The following CDH4 variants were observed in gnomAD, a reference collection of about 807,000 sequenced individuals.
CDH4 encodes the protein cadherin 4, also known as cadherin-4.
In CDH4, 33 loss-of-function variants were observed where a neutral mutation model predicts 86.0. That is an observed-to-expected ratio of 0.38 (90% CI 0.29 to 0.51). The LOEUF is 0.51. Among genes scored for constraint, CDH4 ranks in the 20% least tolerant of loss-of-function variants. CDH4 has a pLI of 0.86. For missense variants in CDH4, 1,114 were observed against 1,307.4 expected (o/e 0.85, Z 2.28); for synonymous variants, 555 against 549.4 (o/e 1.01, Z -0.14).
At chr20:61,761,927 A>AGCAGGCAGCTCCGCACG (rs2088638608) in intron 3 of CDH4, among the ~76,000 whole-genome samples, 1 of 152,074 alleles carries the variant, frequency 6.6e-6, no homozygotes, top group African/African-American at 2.4e-5. Flanking sequence ...AGCTCCGCAC[A>AGCAGGCAGCTCCGCACG]GCAGGCAGCG....
At chr20:61,817,840 T>C (rs1464885710) in intron 4 of CDH4, among the ~76,000 whole-genome samples, 1 of 152,192 alleles carries the variant, frequency 6.6e-6, no homozygotes, top group Non-Finnish European at 1.5e-5. Context: ...TGCGAATGCC[T>C]GGGTTGTCTC....
rs139511695 is a variant in CDH4 at position 61,697,371 on chromosome 20, G to A, written c.170-46192G>A. ...TACCAGCACTTTGGGAGGCTGAGGC[G>A]GGTGGATCACAAGGTCAAGAGTTCA... is the stretch of plus-strand genomic sequence containing the variant. On this transcript the variant is annotated intron_variant, in intron 2 of 15. Transcript: ENST00000614565. Among the ~76,000 whole-genome samples the A allele has an allele frequency of 8.2e-3, 1,243 of 152,222 alleles. 5 individuals are homozygous for A. The highest frequency in any genetic ancestry group is 0.013 in the Non-Finnish European group (904 of 68,006).
At position 61,496,009 on chromosome 20, in the gene CDH4, G is replaced by A. The variant is rs139060223; in HGVS notation, c.169+241072G>A. Reference sequence around the variant, plus strand: ...CGTGCCATGCAAGGGAAAGCTCCTCGAACATTTTTTTCTCTAGGTATTTCA... The same window carrying A: ...CGTGCCATGCAAGGGAAAGCTCCTCAAACATTTTTTTCTCTAGGTATTTCA... On this transcript the variant is annotated intron_variant, in intron 2 of 15. Coordinates refer to ENST00000614565, the MANE Select transcript of CDH4 (RefSeq NM_001794.5). Among the ~76,000 whole-genome samples the A allele has an allele frequency of 2.9e-3, 442 of 151,832 alleles. 3 individuals are homozygous for A. Among genetic ancestry groups the A allele is most frequent in the Non-Finnish European group, 4.4e-3 (300 of 67,974 alleles).
intron 2 of CDH4, among the ~76,000 whole-genome samples, chr20:61,303,634 C>T (rs1165092721): frequency 1.3e-5 from 2 of 152,246 alleles, no homozygotes; most frequent in African/African-American, 2.4e-5. Flanking sequence ...GCCAGCTCTC[C>T]TGAAGTCCTC....
Position 61,388,757 on chromosome 20 carries a change from C to T in CDH4, c.169+133820C>T, listed in dbSNP as rs145715255. Reference sequence around the variant, plus strand: ...ATACATGTGTATGCGTGCGCAAATACATGAGTTACATTTTTATCGTGTGCT... The same window carrying T: ...ATACATGTGTATGCGTGCGCAAATATATGAGTTACATTTTTATCGTGTGCT... On this transcript the variant is annotated intron_variant, in intron 2 of 15. Transcript: ENST00000614565. Among the ~76,000 whole-genome samples, 249 of 152,352 alleles carry T rather than the reference C, an allele frequency of 1.6e-3. 1 individual carries two copies. Among genetic ancestry groups the T allele is most frequent in the African/African-American group, 5.7e-3 (239 of 41,580 alleles).
intron 2 of CDH4, among the ~76,000 whole-genome samples, chr20:61,364,746 A>G (rs1047552159): frequency 3.3e-5 from 5 of 152,226 alleles, no homozygotes; most frequent in African/African-American, 4.8e-5. Context: ...AAAGTAGTGA[A>G]ATAGATCTGG....
chr20:61,368,895 A>G (rs548874767), intron 2 of CDH4, among the ~76,000 whole-genome samples: 40 of 152,322 alleles, frequency 2.6e-4, no homozygotes, highest in Admixed American at 2.5e-3. Context: ...ATCACTGGTA[A>G]TTGAACAAAT....
chr20:61,873,552 G>A (rs1286062170), intron 6 of CDH4, among the ~76,000 whole-genome samples, 176 bp from the exon 7 acceptor site: 1 of 152,262 alleles, frequency 6.6e-6, no homozygotes, highest in Non-Finnish European at 1.5e-5. Context: ...ATTCTATAAG[G>A]TGGGGTGGAG....
In CDH4 at chr20:61,879,178, G is replaced by A. The variant is rs971432566; in HGVS notation, c.1050+5278G>A. Among the ~76,000 whole-genome samples the A allele has an allele frequency of 6.6e-6, 1 of 152,156 alleles. No individual in the cohort carries two copies. The highest frequency in any genetic ancestry group is 2.4e-5 in the African/African-American group (1 of 41,436). ...ACCAGTTCAGCTCCCCCGGGACCCG[G>A]CCTTCACCCAGCAGAGCCACTGCCC... On this transcript the variant is annotated intron_variant, in intron 7 of 15. Coordinates refer to ENST00000614565, the MANE Select transcript of CDH4 (RefSeq NM_001794.5). This position sits in a 1 kb window ranked among gnomAD's most constrained non-coding sequence, Gnocchi z 4.1.
Position 61,834,758 on chromosome 20 carries a change from C to T in CDH4, c.577-9910C>T, listed in dbSNP as rs1462734956. On this transcript the variant is annotated intron_variant, in intron 4 of 15. Coordinates refer to ENST00000614565, the MANE Select transcript of CDH4 (RefSeq NM_001794.5). ...GGCTGAAACAACAAAGAACCCGTCT[C>T]GGCTTTGGACTTGGCTTTAGCTGTG... is the stretch of plus-strand genomic sequence containing the variant. Among the ~76,000 whole-genome samples the T allele has an allele frequency of 3.9e-5, 6 of 152,214 alleles. No homozygotes were observed. The East Asian group carries it at 5.8e-4, about 15-fold the overall frequency.
intron 4 of CDH4, among the ~76,000 whole-genome samples, chr20:61,830,408 C>A (rs928109490): frequency 2.0e-5 from 3 of 152,184 alleles, no homozygotes; most frequent in African/African-American, 7.2e-5. Flanking sequence ...CTCCACCTGT[C>A]CCCCTGCATC....
intron 2 of CDH4, among the ~76,000 whole-genome samples, chr20:61,419,898 T>G (rs943669586): frequency 1.1e-4 from 16 of 152,192 alleles, no homozygotes; most frequent in African/African-American, 3.6e-4. Flanking sequence ...TATACAAACA[T>G]TGGCATCATT....
intron 2 of CDH4, among the ~76,000 whole-genome samples, chr20:61,660,040 C>A (rs2087235962): frequency 1.4e-5 from 2 of 144,394 alleles, no homozygotes; most frequent in Non-Finnish European, 3.2e-5. Flanking sequence ...GTGATACCCG[C>A]TCCCAAGGGG....
chr20:61,554,546 A>T (rs2086159585), intron 2 of CDH4, among the ~76,000 whole-genome samples: 5 of 152,354 alleles, frequency 3.3e-5, no homozygotes, highest in Middle Eastern at 3.4e-3. Context: ...CAGTCTGGAA[A>T]GGGCCCCAGC....
At chr20:61,513,341 G>C (rs910718249) in intron 2 of CDH4, among the ~76,000 whole-genome samples, 1 of 152,236 alleles carries the variant, frequency 6.6e-6, no homozygotes, top group Non-Finnish European at 1.5e-5. Context: ...CGACTGCGGG[G>C]GCTAACTTCC....
intron 2 of CDH4, among the ~76,000 whole-genome samples, chr20:61,288,433 T>C (rs1160477309): frequency 1.3e-5 from 2 of 152,210 alleles, no homozygotes; most frequent in Admixed American, 1.3e-4. Flanking sequence ...GCCAGTCTTA[T>C]GGATGGCTGG....
intron 2 of CDH4, among the ~76,000 whole-genome samples, chr20:61,657,166 G>A (rs911486213): frequency 6.6e-6 from 1 of 152,204 alleles, no homozygotes; most frequent in South Asian, 2.1e-4. Context: ...CCAGGGCTGC[G>A]TGGACAAGAC....
At chr20:61,384,836 A>T (rs748065447) in intron 2 of CDH4, among the ~76,000 whole-genome samples, 7 of 152,158 alleles carry the variant, frequency 4.6e-5, no homozygotes, top group African/African-American at 1.7e-4. Context: ...CTCTTTAAAC[A>T]TAATAAGCAT....
intron 4 of CDH4, among the ~76,000 whole-genome samples, chr20:61,778,626 A>G (rs1978372913): frequency 6.6e-6 from 1 of 152,124 alleles, no homozygotes; most frequent in Non-Finnish European, 1.5e-5. Flanking sequence ...ATCAGACCGC[A>G]GTCTAAAGTG....
Sources: gnomAD v4.1 joint callset for allele counts (sites outside exome capture counted in the v4.1 genomes callset) on GRCh38, gnomAD v4.1.1 for gene constraint, Gnocchi (gnomAD v3.1) non-coding constraint, MANE v1.5 for transcripts, NCBI Gene and HGNC (gene_info 2026-07-23, HGNC 2026-07-21) for gene names.